Variants in DACH1 observed in about 807,000 individuals in gnomAD.
The protein encoded by DACH1 is dachshund family transcription factor 1.
In DACH1, 12 loss-of-function variants were observed where a neutral mutation model predicts 54.2. That is an observed-to-expected ratio of 0.22 (90% CI 0.14 to 0.36). The LOEUF is 0.36. Ranked by LOEUF, DACH1 falls within the 10% of genes least tolerant of loss-of-function variation. The pLI, the probability that DACH1 is intolerant of heterozygous loss-of-function variation, is 1.00. For missense variants in DACH1, 805 were observed against 929.8 expected (o/e 0.87, Z 1.75); for synonymous variants, 386 against 366.2 (o/e 1.05, Z -0.62).
intron 6 of DACH1, among the ~76,000 whole-genome samples, chr13:71,522,982 CAT>C: frequency 6.6e-6 from 1 of 152,172 alleles, no homozygotes; most frequent in African/African-American, 2.4e-5. Flanking sequence ...GGCAAGAATG[CAT>C]ATGTTTATTT....
At chr13:71,630,822 A>G (rs555989056) in intron 2 of DACH1, 105 bp from the exon 3 acceptor site, 1 of 1,292,998 alleles carries the variant, frequency 7.7e-7, no homozygotes, top group African/African-American at 1.5e-5. Flanking sequence ...AGAGTATCTG[A>G]TTCCTTTATG....
chr13:71,812,477 T>C (rs1887750203), intron 1 of DACH1, among the ~76,000 whole-genome samples: 1 of 151,354 alleles, frequency 6.6e-6, no homozygotes, highest in South Asian at 2.1e-4. Context: ...TAATCAGTAT[T>C]TAGAGGACAG....
At chr13:71,705,042 A>G (rs1882363975) in intron 1 of DACH1, among the ~76,000 whole-genome samples, 1 of 152,176 alleles carries the variant, frequency 6.6e-6, no homozygotes, top group Non-Finnish European at 1.5e-5. Context: ...TTACATTCAC[A>G]TTTTTATGGT....
At chr13:71,464,047 A>G (rs1404209708) in intron 10 of DACH1, among the ~76,000 whole-genome samples, 3 of 152,066 alleles carry the variant, frequency 2.0e-5, no homozygotes, top group Non-Finnish European at 4.4e-5. Context: ...TCAATCTAAC[A>G]GTTGTTAATA....
rs1888295613 is a variant in DACH1 at position 71,824,158 on chromosome 13, C to T, written c.848+41764G>A. Among the ~76,000 whole-genome samples the T allele has an allele frequency of 1.3e-5, 2 of 151,810 alleles. 1 individual carries two copies. Among genetic ancestry groups the T allele is most frequent in the South Asian group, 4.1e-4 (2 of 4,830 alleles). Reference sequence around the variant, plus strand: ...CAACAGAGTTGTCACTTGCTGTCTACAATGAGCCAAGATTTAAACTCTACA... The same window carrying T: ...CAACAGAGTTGTCACTTGCTGTCTATAATGAGCCAAGATTTAAACTCTACA... On this transcript the variant is annotated intron_variant, in intron 1 of 10. Coordinates refer to ENST00000613252, the MANE Select transcript of DACH1 (RefSeq NM_080759.6).
At chr13:71,488,587 C>A (rs1342287175) in intron 7 of DACH1, among the ~76,000 whole-genome samples, 2 of 151,692 alleles carry the variant, frequency 1.3e-5, no homozygotes, top group East Asian at 3.9e-4. Flanking sequence ...AATGACTAAA[C>A]ATATCATTTC....
chr13:71,570,874 T>C (rs1885152476), intron 4 of DACH1, among the ~76,000 whole-genome samples: 1 of 152,178 alleles, frequency 6.6e-6, no homozygotes, highest in Non-Finnish European at 1.5e-5. Flanking sequence ...CAAGTATGTA[T>C]TAAAAGGAGA....
chr13:71,818,251 G>C (rs1189079201), intron 1 of DACH1, among the ~76,000 whole-genome samples: 1 of 152,176 alleles, frequency 6.6e-6, no homozygotes, highest in Non-Finnish European at 1.5e-5. Context: ...GCTATAATTA[G>C]GGAAAACAGG....
intron 1 of DACH1, among the ~76,000 whole-genome samples, chr13:71,694,472 C>A (rs1881714906): frequency 6.6e-6 from 1 of 151,166 alleles, no homozygotes; most frequent in Non-Finnish European, 1.5e-5. Context: ...CCTACCTATG[C>A]ACCAAACATT....
chr13:71,772,467 G>A (rs1885897008), intron 1 of DACH1, among the ~76,000 whole-genome samples: 1 of 151,606 alleles, frequency 6.6e-6, no homozygotes. Flanking sequence ...GGCAATAGAA[G>A]TCATTAACCA....
chr13:71,731,749 A>C (rs1423491194), intron 1 of DACH1, among the ~76,000 whole-genome samples: 2 of 152,186 alleles, frequency 1.3e-5, no homozygotes, highest in Non-Finnish European at 2.9e-5. Context: ...AACTGGATCC[A>C]ATTGTGAAAG....
chr13:71,566,460 C>T (rs938699073), intron 4 of DACH1, among the ~76,000 whole-genome samples: 1 of 152,088 alleles, frequency 6.6e-6, no homozygotes, highest in Non-Finnish European at 1.5e-5. Flanking sequence ...TTTCTATGAT[C>T]ACAAAGTTAC....
chr13:71,649,622 T>G (rs2138619309), intron 2 of DACH1, among the ~76,000 whole-genome samples: 1 of 152,258 alleles, frequency 6.6e-6, no homozygotes, highest in Non-Finnish European at 1.5e-5. Flanking sequence ...ATATAGAAAC[T>G]AATTTTAAGA....
chr13:71,656,043 T>G (rs1019016307), intron 2 of DACH1, among the ~76,000 whole-genome samples: 1 of 152,222 alleles, frequency 6.6e-6, no homozygotes, highest in Non-Finnish European at 1.5e-5. Flanking sequence ...AGGTTATCAT[T>G]AGCAAGTTTT....
intron 6 of DACH1, among the ~76,000 whole-genome samples, chr13:71,554,327 G>A (rs967648520): frequency 2.0e-5 from 3 of 151,948 alleles, no homozygotes; most frequent in Non-Finnish European, 4.4e-5. Context: ...ATACACATTT[G>A]AAATCAATGA....
intron 2 of DACH1, among the ~76,000 whole-genome samples, chr13:71,638,273 G>A (rs569273227): frequency 1.5e-4 from 23 of 152,216 alleles, no homozygotes; most frequent in African/African-American, 2.9e-4. Context: ...TCACTCCACC[G>A]TCACAGAAAT....
chr13:71,588,390 C>A (rs184029469), intron 3 of DACH1, among the ~76,000 whole-genome samples: 92 of 152,148 alleles, frequency 6.0e-4, no homozygotes, highest in Non-Finnish European at 1.0e-3. Context: ...AAAGTTTGAC[C>A]ACACATAAAC....
intron 10 of DACH1, among the ~76,000 whole-genome samples, chr13:71,451,798 C>T (rs998323658): frequency 1.3e-5 from 2 of 151,984 alleles, no homozygotes; most frequent in Non-Finnish European, 2.9e-5. Flanking sequence ...GGTCAAATGA[C>T]AAAATTGGAA....
At chr13:71,471,401 G>A (rs2138162703) in intron 10 of DACH1, among the ~76,000 whole-genome samples, 1 of 152,072 alleles carries the variant, frequency 6.6e-6, no homozygotes, top group South Asian at 2.1e-4. Context: ...ATTATTATCT[G>A]GAGCTCTTAA....
Sources: allele counts gnomAD v4.1 joint callset (sites outside exome capture counted in the v4.1 genomes callset), GRCh38; gene constraint gnomAD v4.1.1; transcripts MANE v1.5; gene names NCBI Gene and HGNC (gene_info 2026-07-23, HGNC 2026-07-21).